PRTG: variants seen among roughly 807,000 people sequenced by gnomAD.
The protein encoded by PRTG is immunoglobulin superfamily, DCC subclass, member 5.
In PRTG, 67 loss-of-function variants were observed where a neutral mutation model predicts 122.5. That is an observed-to-expected ratio of 0.55 (90% CI 0.45 to 0.67). PRTG has a LOEUF of 0.67. Among genes scored for constraint, PRTG ranks in the 30% least tolerant of loss-of-function variants. The probability of loss-of-function intolerance (pLI) is 0.00; values close to 1 mark genes in which losing one functional copy is unlikely to be tolerated. For synonymous variants in PRTG, 554 were observed against 501.1 expected (o/e 1.11, Z -1.41); for missense variants, 1,435 against 1,415.4 (o/e 1.01, Z -0.22).
intron 2 of PRTG, among the ~76,000 whole-genome samples, chr15:55,716,757 T>G (rs2030614672): frequency 6.6e-6 from 1 of 152,180 alleles, no homozygotes; most frequent in Non-Finnish European, 1.5e-5. Context: ...ACACCACTGC[T>G]GCTAAGATTT....
intron 2 of PRTG, among the ~76,000 whole-genome samples, chr15:55,723,418 G>T (rs1464511187): frequency 1.4e-5 from 2 of 145,276 alleles, no homozygotes; most frequent in African/African-American, 5.1e-5. Flanking sequence ...AGGGTGAATA[G>T]ATTCTAAGAG....
In PRTG at chr15:55,669,572, C is replaced by T. The variant is rs914751251; in HGVS notation, c.2041+2873G>A. On this transcript the variant is annotated intron_variant, in intron 11 of 19. Coordinates refer to ENST00000389286, the MANE Select transcript of PRTG (RefSeq NM_173814.6). Reference sequence around the variant, plus strand: ...ACACTTGCCTGCTTAGTGAGTTAAACGTATTTGACTGCTACAAGTTTGGCA... The same window carrying T: ...ACACTTGCCTGCTTAGTGAGTTAAATGTATTTGACTGCTACAAGTTTGGCA... 3.9e-5 allele frequency among the ~76,000 whole-genome samples: 6 copies of T among 152,182 alleles called. No homozygotes were observed. In the East Asian group the frequency reaches 7.7e-4, roughly 20 times the overall value.
chr15:55,677,723 G>A, intron 8 of PRTG, 74 bp downstream of exon 8: 2 of 1,355,864 alleles, frequency 1.5e-6, no homozygotes, highest in South Asian at 2.6e-5. Flanking sequence ...GATTATGTAA[G>A]GCATTATTCG....
Position 55,740,474 on chromosome 15 carries a change from C to G in PRTG, c.305G>C (p.Arg102Pro), listed in dbSNP as rs748432132. The G allele has an allele frequency of 4.3e-6, 7 of 1,614,068 alleles. No individual in the cohort carries two copies. The highest frequency in any genetic ancestry group is 5.1e-6 in the Non-Finnish European group (6 of 1,180,024). ...AAATCCTTCATCGGACTGCTCTCCT[C>G]GCCTGCCTTCCACCTCACTGATGTA... Reference protein sequence around the residue: ...SLYISEVEGRRGEQSDEGFYQ... With the variant: ...SLYISEVEGRPGEQSDEGFYQ... The change falls in exon 2 of 20, where the codon CGA becomes CCA. Residue 102 changes from arginine (R) to proline (P), a missense_variant. Physicochemically the swap from Arg to Pro is moderately radical, Grantham distance 103 (BLOSUM62 -2). Coordinates refer to ENST00000389286, the MANE Select transcript of PRTG (RefSeq NM_173814.6).
chr15:55,725,198 T>C (rs923477278), intron 2 of PRTG, among the ~76,000 whole-genome samples: 5 of 152,202 alleles, frequency 3.3e-5, no homozygotes, highest in African/African-American at 1.2e-4. Context: ...AAAATTCGCA[T>C]ACTACTGCAA....
chr15:55,632,837 G>A (rs2059235427), intron 15 of PRTG, among the ~76,000 whole-genome samples: 1 of 152,216 alleles, frequency 6.6e-6, no homozygotes, highest in Non-Finnish European at 1.5e-5. Context: ...AGTGGAGGTA[G>A]GGACTTTGTT....
chr15:55,687,251 T>G (rs2059575486), intron 2 of PRTG, among the ~76,000 whole-genome samples: 1 of 152,226 alleles, frequency 6.6e-6, no homozygotes, highest in African/African-American at 2.4e-5. Context: ...ATTTTTTTGT[T>G]TGCTACAATT....
intron 2 of PRTG, among the ~76,000 whole-genome samples, chr15:55,688,789 G>A (rs1325150663): frequency 6.6e-5 from 10 of 152,280 alleles, no homozygotes; most frequent in Admixed American, 3.9e-4. Context: ...AGCTGAGATC[G>A]TGCCACTGCA....
At chr15:55,674,813 C>A (rs894377758) in intron 9 of PRTG, among the ~76,000 whole-genome samples, 1 of 152,066 alleles carries the variant, frequency 6.6e-6, no homozygotes, top group African/African-American at 2.4e-5. Context: ...TGTATTAAAT[C>A]ATTCCCCTTC....
rs759809526 is a variant in PRTG, at chr15:55,615,948, T to C, written c.*4064A>G. 9.9e-5 allele frequency: 15 copies of C among 152,144 alleles called. No homozygotes were observed. The highest frequency in any genetic ancestry group is 2.1e-4 in the Non-Finnish European group (14 of 67,996). 9.4% of individuals were successfully genotyped at this position (152,144 alleles called of 1,614,324 possible). A position where few individuals can be genotyped will look rare whatever the true frequency, so the allele number is the denominator to read the frequency against. On this transcript the variant is annotated 3_prime_UTR_variant, in exon 20 of 20. Transcript: ENST00000389286. ...TCCTGGGTTGTCAACCACGAGCACA[T>C]TTCTGGCAGAAGTCCTTAACAAAGC...
Position 55,738,598 on chromosome 15 carries a change from A to T in PRTG, c.397+1784T>A, listed in dbSNP as rs370583942. On this transcript the variant is annotated intron_variant, in intron 2 of 19. Coordinates refer to ENST00000389286, the MANE Select transcript of PRTG (RefSeq NM_173814.6). ...TAACAACTCTATAGAACAAGTTTAC[A>T]TTGGACAAAAACTGAATGAACAGAA... 354 of 688,076 alleles carry T rather than the reference A, an allele frequency of 5.1e-4. 6 individuals are homozygous for T. The African/African-American group carries it at 5.7e-3, about 11-fold the overall frequency. 42.6% of individuals were successfully genotyped at this position (688,076 alleles called of 1,614,324 possible). A position where few individuals can be genotyped will look rare whatever the true frequency, so the allele number is the denominator to read the frequency against.
intron 2 of PRTG, among the ~76,000 whole-genome samples, chr15:55,696,809 A>AAT (rs2059634388): frequency 6.6e-6 from 1 of 152,144 alleles, no homozygotes; most frequent in East Asian, 1.9e-4. Flanking sequence ...GAATCTGACA[A>AAT]CTCTGACAAC....
At chr15:55,735,386 G>A (rs181699021) in intron 2 of PRTG, among the ~76,000 whole-genome samples, 1 of 152,100 alleles carries the variant, frequency 6.6e-6, no homozygotes, top group Admixed American at 6.5e-5. Context: ...AACCTCAAAT[G>A]TATTTTATTT....
In PRTG at chr15:55,619,535, A is replaced by G. The variant is rs1346901377; in HGVS notation, c.*477T>C. 6.0e-6 allele frequency: 1 copy of G among 166,460 alleles called. No homozygotes were observed. The highest frequency in any genetic ancestry group is 1.8e-4 in the East Asian group (1 of 5,624). The allele number at this position is 166,460 out of a possible 1,614,324, so 10.3% of individuals were successfully genotyped here. A position where few individuals can be genotyped will look rare whatever the true frequency, so the allele number is the denominator to read the frequency against. Reference sequence around the variant, plus strand: ...GTATCATTGGTTATGTAGCTGAGATAAACTATAACAACAAATGAGGTAACA... The same window carrying G: ...GTATCATTGGTTATGTAGCTGAGATGAACTATAACAACAAATGAGGTAACA... On this transcript the variant is annotated 3_prime_UTR_variant, in exon 20 of 20. Coordinates refer to ENST00000389286, the MANE Select transcript of PRTG (RefSeq NM_173814.6).
At chr15:55,737,601 G>A (rs527692842) in intron 2 of PRTG, among the ~76,000 whole-genome samples, 17 of 152,262 alleles carry the variant, frequency 1.1e-4, no homozygotes, top group Non-Finnish European at 2.1e-4. Context: ...CAATGAATGA[G>A]GGTCATCTGC....
chr15:55,630,222 G>A (rs926991559), intron 15 of PRTG, among the ~76,000 whole-genome samples: 12 of 152,048 alleles, frequency 7.9e-5, no homozygotes, highest in African/African-American at 2.9e-4. Flanking sequence ...TCCTGCCCTC[G>A]TGATCTGCCC....
At chr15:55,624,537 C>A (rs773807390) in intron 17 of PRTG, 30 bp from the exon 18 acceptor site, 2 of 1,588,858 alleles carry the variant, frequency 1.3e-6, no homozygotes, top group Non-Finnish European at 1.7e-6. Flanking sequence ...AGGAAGTCTT[C>A]TAATTTCATA....
chr15:55,674,427 C>T (rs2059490773), intron 9 of PRTG, among the ~76,000 whole-genome samples: 1 of 152,162 alleles, frequency 6.6e-6, no homozygotes, highest in African/African-American at 2.4e-5. Flanking sequence ...AGAGGGAGAA[C>T]AGACCTCACA....
chr15:55,674,247 G>C (rs6493806), intron 9 of PRTG, among the ~76,000 whole-genome samples: 13,877 of 152,234 alleles, frequency 0.091, 692 homozygotes, highest in Non-Finnish European at 0.1. Flanking sequence ...ATGGGTTCTA[G>C]AGTTAGCTTC....
Sources: gnomAD v4.1 joint callset for allele counts (sites outside exome capture counted in the v4.1 genomes callset) on GRCh38, gnomAD v4.1.1 for gene constraint, MANE v1.5 for transcripts, NCBI Gene and HGNC (gene_info 2026-07-23, HGNC 2026-07-21) for gene names.